ADAM17: variants seen among roughly 807,000 people sequenced by gnomAD.
ADAM17 encodes ADAM metallopeptidase domain 17, also known as disintegrin and metalloproteinase domain-containing protein 17.
In ADAM17, 39 loss-of-function variants were observed where a neutral mutation model predicts 96.7. The observed-to-expected ratio is 0.40, with a 90% CI of 0.31 to 0.53. The LOEUF (loss-of-function observed/expected upper bound fraction) is 0.53, where lower values mean the gene tolerates loss of function less well. ADAM17 is among the 20% of genes least tolerant of loss of function. The pLI, the probability that ADAM17 is intolerant of heterozygous loss-of-function variation, is 0.44. For missense variants in ADAM17, 777 were observed against 1,013.2 expected (o/e 0.77, Z 3.17); for synonymous variants, 344 against 359.2 (o/e 0.96, Z 0.48).
Position 9,510,067 on chromosome 2 carries a change from C to A in ADAM17, c.1256G>T (p.Gly419Val). 2 of 1,614,152 alleles carry A rather than the reference C, an allele frequency of 1.2e-6. No homozygotes were observed. The highest frequency in any genetic ancestry group is 1.1e-5 in the South Asian group (1 of 91,082). ...CTCATTCGGGGCACATTCTGCTAGA[C>A]CATCCGGATCATGTTCTGCTCCAAA... ...HNFGAEHDPD[G>V]LAECAPNEDQ... The change falls in exon 11 of 19, where the codon GGT (glycine) becomes GTT (valine). Residue 419 changes from glycine (G) to valine (V), a missense_variant. This residue lies in a region of ADAM17 where 446 missense variants were observed against 664.7 expected (regional missense o/e 0.67). Transcript: ENST00000310823.
Position 9,505,310 on chromosome 2 carries a change from T to C in ADAM17, c.1400A>G (p.Gln467Arg). The change falls in exon 12 of 19, where the codon CAG becomes CGG. Residue 467 changes from glutamine to arginine, a missense_variant. By Grantham distance (43) the Gln-to-Arg change is conservative. Coordinates refer to ENST00000310823, the MANE Select transcript of ADAM17 (RefSeq NM_003183.6). ...ATTGCTGCGTTCTTGAAAACACTCCTGGGCCTTACTTTCAATGGTCTTATA... is the reference window on the plus strand; with the variant it reads ...ATTGCTGCGTTCTTGAAAACACTCCCGGGCCTTACTTTCAATGGTCTTATA... Reference protein sequence around the residue: ...SIYKTIESKAQECFQERSNKV... With the variant: ...SIYKTIESKARECFQERSNKV... 6.2e-7 allele frequency: 1 copy of C among 1,614,208 alleles called. No homozygotes were observed. The highest frequency in any genetic ancestry group is 8.5e-7 in the Non-Finnish European group (1 of 1,180,044).
In ADAM17 at chr2:9,490,148, C is replaced by CACTT; in HGVS notation, c.*25_*28dup. On this transcript the variant is annotated 3_prime_UTR_variant, in exon 19 of 19. Transcript: ENST00000310823. ...GTCAAATCTATAAAAATATTTTGCACACTTAAGTCAGAAGAGCTGAGAACT... is the reference window on the plus strand; with the variant it reads ...GTCAAATCTATAAAAATATTTTGCACACTTACTTAAGTCAGAAGAGCTGAGAACT... 1 of 1,549,324 alleles carries CACTT rather than the reference C, an allele frequency of 6.5e-7. No homozygotes were observed. Among genetic ancestry groups the CACTT allele is most frequent in the Non-Finnish European group, 8.8e-7 (1 of 1,138,284 alleles).
At chr2:9,522,525 C>A in intron 7 of ADAM17, 1 of 502,968 alleles carries the variant, frequency 2.0e-6, no homozygotes. Flanking sequence ...CAAAGTTTAA[C>A]ATTTATAAAC....
intron 4 of ADAM17, among the ~76,000 whole-genome samples, chr2:9,535,357 C>T (rs1200237691): frequency 6.6e-6 from 1 of 152,194 alleles, no homozygotes; most frequent in Non-Finnish European, 1.5e-5. Flanking sequence ...CCACTGTGGT[C>T]TTGATTTCTA....
intron 4 of ADAM17, among the ~76,000 whole-genome samples, chr2:9,530,226 T>G (rs1664683717): frequency 6.6e-6 from 1 of 152,204 alleles, no homozygotes; most frequent in African/African-American, 2.4e-5. Context: ...AGCCTATGAA[T>G]AGGAGTGAAA....
intron 12 of ADAM17, among the ~76,000 whole-genome samples, 169 bp from the exon 13 acceptor site, chr2:9,502,445 C>A (rs1306240191): frequency 6.6e-6 from 1 of 152,214 alleles, no homozygotes; most frequent in Admixed American, 6.5e-5. Flanking sequence ...TACCTGCACA[C>A]ACTTTGTCCC....
chr2:9,507,756 G>C (rs911702847), intron 11 of ADAM17, among the ~76,000 whole-genome samples: 3 of 152,008 alleles, frequency 2.0e-5, no homozygotes, highest in East Asian at 3.9e-4. Flanking sequence ...GTCTCACTCT[G>C]TCATCCAGGC....
intron 16 of ADAM17, among the ~76,000 whole-genome samples, chr2:9,493,280 T>C (rs1662308158): frequency 1.3e-5 from 2 of 152,214 alleles, no homozygotes; most frequent in Non-Finnish European, 2.9e-5. Context: ...TAGTAAATGC[T>C]TAAGAAGACA....
At position 9,524,516 on chromosome 2, in the gene ADAM17, A is replaced by C. The variant is rs541917962; in HGVS notation, c.754-1178T>G. Among the ~76,000 whole-genome samples the C allele has an allele frequency of 7.2e-5, 11 of 151,952 alleles. No individual in the cohort carries two copies. The East Asian group carries it at 2.1e-3, about 29-fold the overall frequency. On this transcript the variant is annotated intron_variant, in intron 6 of 18. Transcript: ENST00000310823. ...GTCACGTGAGGATTTTCGACTGCAG[A>C]GGGAAGAAGGTCAGTGCTTCTAACC...
intron 2 of ADAM17, among the ~76,000 whole-genome samples, chr2:9,537,663 C>A (rs557300608): frequency 4.8e-4 from 72 of 151,224 alleles, no homozygotes; most frequent in Non-Finnish European, 4.7e-4. Flanking sequence ...ACCCGGGAGG[C>A]GGAGCCTGCT....
intron 10 of ADAM17, chr2:9,512,282 A>G (rs780108806): frequency 2.6e-5 from 4 of 152,190 alleles, no homozygotes; most frequent in Admixed American, 6.5e-5. Flanking sequence ...AAAAATTTCA[A>G]ATCAAATTTT....
rs944132364 is a variant in ADAM17 at position 9,528,215 on chromosome 2, C to G, written c.451-261G>C. Among the ~76,000 whole-genome samples the G allele has an allele frequency of 2.2e-4, 33 of 152,176 alleles. 1 individual carries two copies. The highest frequency in any genetic ancestry group is 1.2e-4 in the Non-Finnish European group (8 of 68,032). ...TTACATACTTTGCACGTTGTGAAAT[C>G]TTTCAGAGGATGCAGAAGAGAAAAA... On this transcript the variant is annotated intron_variant, in intron 4 of 18. Transcript: ENST00000310823.
intron 4 of ADAM17, among the ~76,000 whole-genome samples, chr2:9,534,687 A>G (rs1345983616): frequency 6.6e-6 from 1 of 152,228 alleles, no homozygotes; most frequent in African/African-American, 2.4e-5. Flanking sequence ...GGGTATAACT[A>G]TATTTATTTG....
chr2:9,535,553 G>C (rs1190253354), intron 4 of ADAM17, among the ~76,000 whole-genome samples: 1 of 152,030 alleles, frequency 6.6e-6, no homozygotes, highest in Non-Finnish European at 1.5e-5. Context: ...TATTATTTGA[G>C]AAAGAATTAA....
intron 2 of ADAM17, among the ~76,000 whole-genome samples, chr2:9,537,663 C>T (rs557300608): frequency 5.3e-5 from 8 of 151,224 alleles, no homozygotes; most frequent in East Asian, 2.0e-4. Flanking sequence ...ACCCGGGAGG[C>T]GGAGCCTGCT....
chr2:9,490,614 G>C, intron 18 of ADAM17, 96 bp from the exon 19 acceptor site: 2 of 1,280,952 alleles, frequency 1.6e-6, no homozygotes, highest in Non-Finnish European at 2.1e-6. Flanking sequence ...CTCTTATTCT[G>C]TTGGCACTGT....
chr2:9,504,845 A>G (rs1368419476), intron 12 of ADAM17, among the ~76,000 whole-genome samples: 1 of 151,696 alleles, frequency 6.6e-6, no homozygotes, highest in African/African-American at 2.4e-5. Context: ...TTGTTACATA[A>G]TGTCACACTG....
chr2:9,495,035 A>G (rs1262271329), intron 14 of ADAM17, among the ~76,000 whole-genome samples: 3 of 152,078 alleles, frequency 2.0e-5, no homozygotes, highest in African/African-American at 4.8e-5. Flanking sequence ...AAGTCTAACT[A>G]TTCTCTCCCC....
At chr2:9,535,741 T>C (rs1664934383) in intron 4 of ADAM17, 93 bp downstream of exon 4, 1 of 712,526 alleles carries the variant, frequency 1.4e-6, no homozygotes, top group African/African-American at 1.9e-5. Context: ...AGGAAAGAAA[T>C]AAGTATAATT....
Sources: gnomAD v4.1 joint callset for allele counts (sites outside exome capture counted in the v4.1 genomes callset) on GRCh38, gnomAD v4.1.1 for gene constraint, gnomAD v4.1.1 regional missense constraint, MANE v1.5 for transcripts, NCBI Gene and HGNC (gene_info 2026-07-23, HGNC 2026-07-21) for gene names.